Variants in OPCML observed in about 807,000 individuals in gnomAD.
The protein encoded by OPCML is opioid-binding protein/cell adhesion molecule.
In OPCML, 13 loss-of-function variants were observed where a neutral mutation model predicts 37.8. The ratio of observed to expected loss-of-function variants is 0.34; its 90% CI spans 0.22 to 0.55. The LOEUF (loss-of-function observed/expected upper bound fraction) is 0.55, where lower values mean the gene tolerates loss of function less well. OPCML is among the 20% of genes least tolerant of loss of function. The pLI is 0.91. For synonymous variants in OPCML, 176 were observed against 168.8 expected (o/e 1.04, Z -0.33); for missense variants, 341 against 435.6 (o/e 0.78, Z 1.93).
At chr11:132,829,788 C>T (rs1386163503) in intron 2 of OPCML, among the ~76,000 whole-genome samples, 1 of 152,142 alleles carries the variant, frequency 6.6e-6, no homozygotes, top group Non-Finnish European at 1.5e-5. Context: ...AAACCTTCCT[C>T]TTTTAGAATT....
At chr11:133,046,011 A>G (rs1379743202) in intron 1 of OPCML, among the ~76,000 whole-genome samples, 2 of 152,188 alleles carry the variant, frequency 1.3e-5, no homozygotes, top group African/African-American at 4.8e-5. Flanking sequence ...GCTTGTGGAA[A>G]GGAAAGACAG....
intron 1 of OPCML, among the ~76,000 whole-genome samples, chr11:133,354,272 T>G: frequency 1.1e-5 from 1 of 93,584 alleles, no homozygotes; most frequent in Non-Finnish European, 2.4e-5. Flanking sequence ...GTGGTAGTGG[T>G]GGTGATAGTG....
chr11:133,435,747 T>C (rs1270906636), intron 1 of OPCML, among the ~76,000 whole-genome samples: 1 of 152,238 alleles, frequency 6.6e-6, no homozygotes, highest in Non-Finnish European at 1.5e-5. Flanking sequence ...AAATTATCTC[T>C]GACATTATCT....
chr11:133,140,143 C>T (rs985979638), intron 1 of OPCML, among the ~76,000 whole-genome samples: 23 of 149,736 alleles, frequency 1.5e-4, no homozygotes, highest in Non-Finnish European at 2.5e-4. Flanking sequence ...GCCGAGATCG[C>T]ACCACTGCAC....
chr11:133,510,895 A>ACACACATG (rs1468568427), intron 1 of OPCML, among the ~76,000 whole-genome samples: 2,524 of 146,854 alleles, frequency 0.017, 68 homozygotes, highest in African/African-American at 0.065. Flanking sequence ...ATACACACAC[A>ACACACATG]CACACACGCA....
intron 2 of OPCML, among the ~76,000 whole-genome samples, chr11:132,716,058 T>A (rs544963429): frequency 5.9e-5 from 9 of 152,334 alleles, no homozygotes; most frequent in Admixed American, 3.3e-4. Context: ...ATATACTTTC[T>A]AACACCAAAT....
intron 4 of OPCML, among the ~76,000 whole-genome samples, chr11:132,506,444 A>G (rs1196029178): frequency 1.3e-5 from 2 of 152,222 alleles, no homozygotes; most frequent in African/African-American, 4.8e-5. Context: ...CCTACAAAGG[A>G]ATCATAATAC....
intron 1 of OPCML, among the ~76,000 whole-genome samples, chr11:133,256,099 T>C (rs2136445099): frequency 6.6e-6 from 1 of 152,370 alleles, no homozygotes; most frequent in South Asian, 2.1e-4. Context: ...ATTTTGTTTC[T>C]ATGGGATGGC....
intron 2 of OPCML, among the ~76,000 whole-genome samples, chr11:132,724,551 T>C (rs2135989212): frequency 6.6e-6 from 1 of 151,922 alleles, no homozygotes; most frequent in South Asian, 2.1e-4. Flanking sequence ...ACCCCTGTCC[T>C]CCCCCCGCAC....
At chr11:133,266,658 A>G (rs1439262680) in intron 1 of OPCML, among the ~76,000 whole-genome samples, 1 of 152,224 alleles carries the variant, frequency 6.6e-6, no homozygotes, top group African/African-American at 2.4e-5. Flanking sequence ...AGTTGGAGAC[A>G]ATTCTTGTCT....
intron 3 of OPCML, among the ~76,000 whole-genome samples, chr11:132,631,218 T>G (rs188758231): frequency 6.6e-6 from 1 of 151,918 alleles, no homozygotes; most frequent in Admixed American, 6.6e-5. Flanking sequence ...AAATTCTTTG[T>G]TTTTGAAGGC....
At chr11:133,046,997 G>A (rs888683864) in intron 1 of OPCML, among the ~76,000 whole-genome samples, 3 of 151,980 alleles carry the variant, frequency 2.0e-5, no homozygotes, top group Non-Finnish European at 4.4e-5. Context: ...TGGGAATGGA[G>A]CTGGAAAGAA....
chr11:132,853,982 C>T (rs1017101629), intron 2 of OPCML, among the ~76,000 whole-genome samples: 12 of 152,150 alleles, frequency 7.9e-5, no homozygotes, highest in African/African-American at 2.9e-4. Context: ...ATATTTGAAG[C>T]TAGCCTCAGA....
At chr11:133,047,863 A>G (rs1415790888) in intron 1 of OPCML, among the ~76,000 whole-genome samples, 1 of 152,226 alleles carries the variant, frequency 6.6e-6, no homozygotes. Context: ...CTGAATGTGA[A>G]GAATCCCCTG....
intron 1 of OPCML, among the ~76,000 whole-genome samples, chr11:133,191,338 A>T (rs1565494717): frequency 6.6e-6 from 1 of 152,222 alleles, no homozygotes; most frequent in East Asian, 1.9e-4. Context: ...TTATTATAAA[A>T]TGCAAGAGTT....
rs1042668306 is a variant in OPCML, at chr11:132,948,333, G to A, written c.62-5323C>T. On this transcript the variant is annotated intron_variant, in intron 1 of 7. Transcript: ENST00000524381. ...CATGGTCTTTATTGTGATTTCCATG[G>A]GAATAAATAGGGGAGGCAAGGTAGG... is the stretch of plus-strand genomic sequence containing the variant. Among the ~76,000 whole-genome samples, 22 of 152,176 alleles carry A rather than the reference G, an allele frequency of 1.4e-4. 1 individual carries two copies. The highest frequency in any genetic ancestry group is 1.4e-3 in the Admixed American group (21 of 15,272).
At chr11:132,807,148 T>C (rs1048888681) in intron 2 of OPCML, among the ~76,000 whole-genome samples, 9 of 152,132 alleles carry the variant, frequency 5.9e-5, no homozygotes, top group African/African-American at 2.2e-4. Flanking sequence ...CCTAGTTATA[T>C]AGACACAAAG....
intron 3 of OPCML, among the ~76,000 whole-genome samples, chr11:132,626,730 C>T (rs1376512340): frequency 6.6e-6 from 1 of 151,274 alleles, no homozygotes; most frequent in Non-Finnish European, 1.5e-5. Flanking sequence ...AATCAAGCTG[C>T]CCTGAGTTTT....
At chr11:132,992,743 T>A (rs1267215674) in intron 1 of OPCML, among the ~76,000 whole-genome samples, 1 of 152,210 alleles carries the variant, frequency 6.6e-6, no homozygotes, top group African/African-American at 2.4e-5. Context: ...AATTTAGAAT[T>A]TGATAATTTT....
Sources: gnomAD v4.1 joint callset for allele counts (sites outside exome capture counted in the v4.1 genomes callset) on GRCh38, gnomAD v4.1.1 for gene constraint, MANE v1.5 for transcripts, NCBI Gene and HGNC (gene_info 2026-07-23, HGNC 2026-07-21) for gene names.